The following ATP8A2 variants were observed in gnomAD, a reference collection of about 807,000 sequenced individuals.
ATP8A2 encodes the protein phospholipid-transporting ATPase IB.
A neutral mutation model predicts 165.6 loss-of-function variants in ATP8A2; 100 were observed. The ratio of observed to expected loss-of-function variants is 0.60; its 90% CI spans 0.51 to 0.71. The LOEUF is 0.71. Ranked by LOEUF, ATP8A2 falls within the 30% of genes least tolerant of loss-of-function variation. ATP8A2 has a pLI of 0.00. For synonymous variants in ATP8A2, 543 were observed against 548.8 expected (o/e 0.99, Z 0.15); for missense variants, 1,227 against 1,479.5 (o/e 0.83, Z 2.80).
At chr13:25,380,662 A>G (rs560294063) in intron 1 of ATP8A2, among the ~76,000 whole-genome samples, 1 of 152,290 alleles carries the variant, frequency 6.6e-6, no homozygotes, top group Admixed American at 6.5e-5. Context: ...GGTCTGCATT[A>G]TATTTCTATT....
Position 25,553,821 on chromosome 13 carries a change from C to T in ATP8A2, c.1086C>T (p.Asn362=), listed in dbSNP as rs978147770. ...MDTTSDNFGY[N]LLTFIILYNN... is the part of the protein sequence containing the mutation. ...CCACCTCAGATAATTTTGGATACAA[C>T]CTACTGACGTTCATCATCTTATACA... Residue 362 remains asparagine, a synonymous_variant, in exon 12 of 37, where the codon AAC becomes AAT. Coordinates refer to ENST00000381655, the MANE Select transcript of ATP8A2 (RefSeq NM_016529.6). 6.2e-7 allele frequency: 1 copy of T among 1,613,580 alleles called. No individual in the cohort carries two copies. Among genetic ancestry groups the T allele is most frequent in the African/African-American group, 1.3e-5 (1 of 74,934 alleles).
chr13:25,469,218 C>A (rs890961067), intron 2 of ATP8A2, 97 bp downstream of exon 2: 2 of 1,441,330 alleles, frequency 1.4e-6, no homozygotes, highest in Admixed American at 2.0e-5. Flanking sequence ...ACCTGGCCGG[C>A]CCCCGTCCAT....
intron 1 of ATP8A2, among the ~76,000 whole-genome samples, chr13:25,387,594 G>A (rs181329884): frequency 2.6e-4 from 39 of 152,150 alleles, no homozygotes; most frequent in Middle Eastern, 3.4e-3. Flanking sequence ...ACTTCGAGGC[G>A]CACGTAGAGA....
At chr13:25,609,225 T>TA (rs971373176) in intron 24 of ATP8A2, among the ~76,000 whole-genome samples, 5 of 151,720 alleles carry the variant, frequency 3.3e-5, no homozygotes, top group African/African-American at 1.2e-4. Context: ...AGCAAAAAGA[T>TA]AAAAATAAAC....
intron 24 of ATP8A2, among the ~76,000 whole-genome samples, chr13:25,595,469 G>A (rs1417691859): frequency 6.6e-6 from 1 of 152,160 alleles, no homozygotes; most frequent in African/African-American, 2.4e-5. Flanking sequence ...CAGAAGTGAG[G>A]TGCGACCTTG....
At chr13:25,669,724 C>G (rs950005625) in intron 24 of ATP8A2, among the ~76,000 whole-genome samples, 1 of 152,176 alleles carries the variant, frequency 6.6e-6, no homozygotes, top group Non-Finnish European at 1.5e-5. Flanking sequence ...TAGCCTCCAC[C>G]TTCCCTGCTT....
intron 33 of ATP8A2, among the ~76,000 whole-genome samples, chr13:25,919,990 G>A (rs1954400033): frequency 6.6e-6 from 1 of 152,022 alleles, no homozygotes; most frequent in Non-Finnish European, 1.5e-5. Context: ...GTCTCGCTAT[G>A]TCGTCCAGGC....
chr13:25,785,299 C>G (rs2044996213), intron 27 of ATP8A2, among the ~76,000 whole-genome samples: 1 of 151,856 alleles, frequency 6.6e-6, no homozygotes. Flanking sequence ...ACTCGGGAGG[C>G]TGAGGCAGGA....
intron 25 of ATP8A2, among the ~76,000 whole-genome samples, chr13:25,700,148 G>GTT (rs2042921288): frequency 6.6e-6 from 1 of 152,170 alleles, no homozygotes; most frequent in East Asian, 1.9e-4. Context: ...CTTTAAGTCA[G>GTT]GAAACCTGGT....
At position 26,025,657 on chromosome 13, in the gene ATP8A2, A is replaced by G. The variant is rs1957155389; in HGVS notation, c.*5672A>G. ...GTGTTACCGTTTTCACGTCCTATTA[A>G]TGTCCTCTGGTTGTTAAATTACAGC... is the stretch of plus-strand genomic sequence containing the variant. On this transcript the variant is annotated 3_prime_UTR_variant, in exon 37 of 37. Transcript: ENST00000381655. 6.6e-6 allele frequency: 1 copy of G among 152,064 alleles called. No individual in the cohort carries two copies. The highest frequency in any genetic ancestry group is 2.1e-4 in the South Asian group (1 of 4,822). 9.4% of individuals were successfully genotyped at this position (152,064 alleles called of 1,614,324 possible). A position where few individuals can be genotyped will look rare whatever the true frequency, so the allele number is the denominator to read the frequency against.
At chr13:25,484,192 A>G (rs969882922) in intron 2 of ATP8A2, among the ~76,000 whole-genome samples, 3 of 152,260 alleles carry the variant, frequency 2.0e-5, no homozygotes, top group African/African-American at 4.8e-5. Flanking sequence ...ACACAGTTGC[A>G]TATAAATTCA....
intron 27 of ATP8A2, among the ~76,000 whole-genome samples, chr13:25,784,079 CAT>C (rs1201622433): frequency 6.6e-6 from 1 of 152,160 alleles, no homozygotes; most frequent in African/African-American, 2.4e-5. Context: ...CTGCCCTTTC[CAT>C]GTGACAATCT....
chr13:25,894,815 T>A (rs1042457033), intron 33 of ATP8A2, among the ~76,000 whole-genome samples: 32 of 152,212 alleles, frequency 2.1e-4, no homozygotes, highest in African/African-American at 5.8e-4. Flanking sequence ...GGGAGTTCAC[T>A]CATGATTTGG....
At chr13:25,816,208 C>G (rs1482662050) in intron 27 of ATP8A2, among the ~76,000 whole-genome samples, 1 of 152,130 alleles carries the variant, frequency 6.6e-6, no homozygotes, top group Non-Finnish European at 1.5e-5. Flanking sequence ...GGACATAAAA[C>G]ATATTGAGAT....
intron 2 of ATP8A2, among the ~76,000 whole-genome samples, chr13:25,496,545 G>C (rs903902689): frequency 6.6e-6 from 1 of 152,072 alleles, no homozygotes; most frequent in Non-Finnish European, 1.5e-5. Flanking sequence ...ATATTTGAAG[G>C]CTAAATAAAT....
At chr13:25,499,642 C>T (rs890501153) in intron 2 of ATP8A2, among the ~76,000 whole-genome samples, 6 of 152,138 alleles carry the variant, frequency 3.9e-5, no homozygotes, top group Non-Finnish European at 5.9e-5. Flanking sequence ...TCTATTCATT[C>T]AGGAATGGTG....
At chr13:25,492,922 G>C (rs2036570954) in intron 2 of ATP8A2, among the ~76,000 whole-genome samples, 1 of 152,190 alleles carries the variant, frequency 6.6e-6, no homozygotes, top group Admixed American at 6.5e-5. Context: ...TGTTGCTTTA[G>C]TGCCTGCACG....
chr13:25,429,788 G>C (rs1276482627), intron 1 of ATP8A2, among the ~76,000 whole-genome samples: 1 of 152,192 alleles, frequency 6.6e-6, no homozygotes, highest in Admixed American at 6.5e-5. Context: ...TGGGCCAGGA[G>C]GAGGCCACAG....
intron 24 of ATP8A2, among the ~76,000 whole-genome samples, chr13:25,643,992 A>ATTTTC (rs1288573921): frequency 6.7e-6 from 1 of 149,524 alleles, no homozygotes; most frequent in East Asian, 2.0e-4. Context: ...ATTTATTCCT[A>ATTTTC]TTTTATTTGT....
Sources: allele counts gnomAD v4.1 joint callset (sites outside exome capture counted in the v4.1 genomes callset), GRCh38; gene constraint gnomAD v4.1.1; transcripts MANE v1.5; gene names NCBI Gene and HGNC (gene_info 2026-07-23, HGNC 2026-07-21).